Variants in DEUP1 observed in about 807,000 individuals in gnomAD.
The protein encoded by DEUP1 is deuterosome assembly protein 1.
Under a neutral mutation model 87.4 loss-of-function variants are expected in DEUP1, and 82 were observed. The observed-to-expected ratio is 0.94, with a 90% CI of 0.78 to 1.13. DEUP1 has a LOEUF of 1.13. Among genes scored for constraint, DEUP1 ranks in the 50% most tolerant of loss-of-function variants. The pLI is 0.00. For synonymous variants in DEUP1, 214 were observed against 222.7 expected (o/e 0.96, Z 0.35); for missense variants, 663 against 681.5 (o/e 0.97, Z 0.30).
Position 93,437,931 on chromosome 11 carries a change from AG to A in DEUP1, c.*213del. On this transcript the variant is annotated 3_prime_UTR_variant, in exon 14 of 14. Coordinates refer to ENST00000298050, the MANE Select transcript of DEUP1 (RefSeq NM_181645.4). Reference sequence around the variant, plus strand: ...TTAACATGCTAAATTGTCCTGCTGTAGAGTTACTATAAAATAAACATGACTA... The same window carrying A: ...TTAACATGCTAAATTGTCCTGCTGTAAGTTACTATAAAATAAACATGACTA... 2.6e-6 allele frequency: 1 copy of A among 391,472 alleles called. No individual in the cohort carries two copies. Among genetic ancestry groups the A allele is most frequent in the South Asian group, 3.1e-5 (1 of 31,922 alleles). The allele number at this position is 391,472 out of a possible 1,614,324, so 24.2% of individuals were successfully genotyped here. A position where few individuals can be genotyped will look rare whatever the true frequency, so the allele number is the denominator to read the frequency against.
chr11:93,389,841 T>A (rs933843836), intron 9 of DEUP1, among the ~76,000 whole-genome samples: 2 of 152,080 alleles, frequency 1.3e-5, no homozygotes. Context: ...AGAGGAAGTA[T>A]CTAGTAAATA....
intron 13 of DEUP1, among the ~76,000 whole-genome samples, chr11:93,431,386 C>T (rs1948103876): frequency 1.3e-5 from 2 of 151,934 alleles, no homozygotes; most frequent in African/African-American, 4.8e-5. Context: ...CCTTCTGGAG[C>T]TTAGAAGGGA....
intron 2 of DEUP1, chr11:93,352,447 A>G (rs1294579997): frequency 1.4e-6 from 1 of 699,850 alleles, no homozygotes; most frequent in East Asian, 2.7e-5. Context: ...AACAGTTGCT[A>G]TAGTCCTAGC....
intron 4 of DEUP1, among the ~76,000 whole-genome samples, chr11:93,363,034 C>G (rs1166842159): frequency 6.6e-6 from 1 of 151,800 alleles, no homozygotes; most frequent in African/African-American, 2.4e-5. Flanking sequence ...GTTAAACAAA[C>G]TGATACATTT....
rs775792659 is a variant in DEUP1 at position 93,415,083 on chromosome 11, C to T, written c.1607C>T (p.Pro536Leu). 6.8e-6 allele frequency: 11 copies of T among 1,609,896 alleles called. No homozygotes were observed. The African/African-American group carries it at 1.3e-4, about 20-fold the overall frequency. Reference protein sequence around the residue: ...STFQAKEMTSPLVSDDDVFPL... With the variant: ...STFQAKEMTSLLVSDDDVFPL... Reference sequence around the variant, plus strand: ...TTTCAAGCCAAAGAAATGACAAGTCCTTTGGTTAGTGATGATGATGTATTC... The same window carrying T: ...TTTCAAGCCAAAGAAATGACAAGTCTTTTGGTTAGTGATGATGATGTATTC... Residue 536 changes from proline to leucine, a missense_variant, in exon 13 of 14, where the codon CCT becomes CTT. By Grantham distance (98) the Pro-to-Leu change is moderately conservative (BLOSUM62 -3). Coordinates refer to ENST00000298050, the MANE Select transcript of DEUP1 (RefSeq NM_181645.4).
intron 2 of DEUP1, among the ~76,000 whole-genome samples, chr11:93,341,737 G>A (rs1944089940): frequency 6.6e-6 from 1 of 152,164 alleles, no homozygotes; most frequent in African/African-American, 2.4e-5. Flanking sequence ...GATGCGGTAT[G>A]TTAGTTTCCT....
chr11:93,339,230 C>G (rs1943933344), intron 2 of DEUP1, among the ~76,000 whole-genome samples: 1 of 152,160 alleles, frequency 6.6e-6, no homozygotes, highest in East Asian at 1.9e-4. Flanking sequence ...AAAGCACAAA[C>G]ATATATGGCA....
At chr11:93,434,147 T>G (rs192520459) in intron 13 of DEUP1, among the ~76,000 whole-genome samples, 1 of 152,322 alleles carries the variant, frequency 6.6e-6, no homozygotes, top group Non-Finnish European at 1.5e-5. Context: ...ACCACCTTCT[T>G]CCATAGCTTC....
At chr11:93,392,956 T>TCC (rs1245150113) in intron 9 of DEUP1, among the ~76,000 whole-genome samples, 1 of 147,564 alleles carries the variant, frequency 6.8e-6, no homozygotes, top group African/African-American at 2.5e-5. Context: ...CTCCCTCCTC[T>TCC]TCCTCCTCCT....
chr11:93,415,259 A>T (rs12288686), intron 13 of DEUP1, 145 bp downstream of exon 13: 43 of 451,360 alleles, frequency 9.5e-5, no homozygotes, highest in East Asian at 9.5e-4. Flanking sequence ...TCTGCGAGCC[A>T]TTTGGCCATA....
At chr11:93,414,386 G>A (rs952773030) in intron 12 of DEUP1, among the ~76,000 whole-genome samples, 4 of 151,988 alleles carry the variant, frequency 2.6e-5, no homozygotes, top group Admixed American at 6.6e-5. Context: ...GGTGGCGGGC[G>A]CCTATAATCC....
At chr11:93,403,132 G>A (rs1435987174) in intron 11 of DEUP1, among the ~76,000 whole-genome samples, 2 of 151,868 alleles carry the variant, frequency 1.3e-5, no homozygotes, top group Non-Finnish European at 2.9e-5. Context: ...TACATCTATT[G>A]TGGATCAATA....
chr11:93,344,544 A>C (rs1944241827), intron 2 of DEUP1, among the ~76,000 whole-genome samples: 1 of 151,692 alleles, frequency 6.6e-6, no homozygotes, highest in Non-Finnish European at 1.5e-5. Flanking sequence ...GATGACATCC[A>C]TATCTGTCTT....
At chr11:93,336,726 G>A (rs939660569) in intron 2 of DEUP1, among the ~76,000 whole-genome samples, 1 of 152,052 alleles carries the variant, frequency 6.6e-6, no homozygotes, top group Non-Finnish European at 1.5e-5. Context: ...GCCTGGATTC[G>A]AATGCCAGTG....
chr11:93,342,527 G>A (rs1944132746), intron 2 of DEUP1, among the ~76,000 whole-genome samples: 1 of 152,158 alleles, frequency 6.6e-6, no homozygotes, highest in Non-Finnish European at 1.5e-5. Context: ...GATGTGTAGG[G>A]TACCCACAAT....
At chr11:93,337,657 C>T (rs765595239) in intron 2 of DEUP1, among the ~76,000 whole-genome samples, 6 of 151,944 alleles carry the variant, frequency 3.9e-5, no homozygotes, top group African/African-American at 7.3e-5. Flanking sequence ...TCAAACTTGA[C>T]GGTAGACTCT....
At chr11:93,412,144 G>C (rs1349933335) in intron 12 of DEUP1, among the ~76,000 whole-genome samples, 1 of 152,170 alleles carries the variant, frequency 6.6e-6, no homozygotes, top group African/African-American at 2.4e-5. Flanking sequence ...TATGGCCAAG[G>C]GGAATATTAA....
chr11:93,402,158 A>G (rs1947138163), intron 11 of DEUP1, among the ~76,000 whole-genome samples: 1 of 151,940 alleles, frequency 6.6e-6, no homozygotes, highest in African/African-American at 2.4e-5. Context: ...AAAACTCAAT[A>G]GTAAAAAAAA....
chr11:93,417,907 C>T lies in DEUP1; in HGVS notation c.1638+2793C>T, dbSNP rs947981830. Among the ~76,000 whole-genome samples, 25 of 151,740 alleles carry T rather than the reference C, an allele frequency of 1.6e-4. 1 individual carries two copies. Among genetic ancestry groups the T allele is most frequent in the Admixed American group, 3.3e-4 (5 of 15,220 alleles). ...CTACAACTATCTGATCTTTGACAAA[C>T]CTGAGAAAAACAAGCAATGGGGAAA... On this transcript the variant is annotated intron_variant, in intron 13 of 13. Coordinates refer to ENST00000298050, the MANE Select transcript of DEUP1 (RefSeq NM_181645.4).
Sources: gnomAD v4.1 joint callset for allele counts (sites outside exome capture counted in the v4.1 genomes callset) on GRCh38, gnomAD v4.1.1 for gene constraint, MANE v1.5 for transcripts, NCBI Gene and HGNC (gene_info 2026-07-23, HGNC 2026-07-21) for gene names.